Variants in INPP4B observed in about 807,000 individuals in gnomAD.
INPP4B encodes the protein inositol polyphosphate-4-phosphatase type II B, also known as inositol polyphosphate 4-phosphatase type II.
A neutral mutation model predicts 122.5 loss-of-function variants in INPP4B; 55 were observed. The ratio of observed to expected loss-of-function variants is 0.45; its 90% confidence interval spans 0.36 to 0.56. The LOEUF (loss-of-function observed/expected upper bound fraction) is 0.56, where lower values mean the gene tolerates loss of function less well. INPP4B is among the 20% of genes least tolerant of loss of function. The pLI is 0.00. For synonymous variants in INPP4B, 403 were observed against 388.7 expected (o/e 1.04, Z -0.43); for missense variants, 1,000 against 1,097.7 (o/e 0.91, Z 1.26).
chr4:142,188,518 A>C (rs78297466), intron 15 of INPP4B, among the ~76,000 whole-genome samples: 1 of 105,096 alleles, frequency 9.5e-6, no homozygotes. Context: ...AAAGAAAAAA[A>C]ATATATATAG....
At chr4:142,562,287 G>T (rs1462843297) in intron 2 of INPP4B, among the ~76,000 whole-genome samples, 1 of 152,164 alleles carries the variant, frequency 6.6e-6, no homozygotes, top group Non-Finnish European at 1.5e-5. Context: ...AATAACTTCT[G>T]CCACTGAATG....
chr4:142,407,528 C>A (rs1803692257), intron 5 of INPP4B, among the ~76,000 whole-genome samples: 1 of 152,164 alleles, frequency 6.6e-6, no homozygotes, highest in Non-Finnish European at 1.5e-5. Flanking sequence ...CTGTCCAACC[C>A]AATTTGCACA....
intron 11 of INPP4B, among the ~76,000 whole-genome samples, chr4:142,247,935 G>T (rs565960399): frequency 4.6e-5 from 7 of 152,198 alleles, no homozygotes; most frequent in African/African-American, 1.7e-4. Flanking sequence ...ATTCAGATAA[G>T]ATACACCTGT....
chr4:142,280,416 C>T (rs541562406), intron 9 of INPP4B, among the ~76,000 whole-genome samples: 17 of 152,060 alleles, frequency 1.1e-4, no homozygotes, highest in African/African-American at 3.1e-4. Context: ...AGACATTGGA[C>T]TGAATGAATG....
At chr4:142,513,792 G>C (rs771936391) in intron 2 of INPP4B, among the ~76,000 whole-genome samples, 2 of 152,162 alleles carry the variant, frequency 1.3e-5, no homozygotes, top group Non-Finnish European at 2.9e-5. Context: ...GGCCCCCAAC[G>C]CCTAATACCA....
At chr4:142,059,830 T>C (rs1759646802) in intron 25 of INPP4B, among the ~76,000 whole-genome samples, 1 of 152,158 alleles carries the variant, frequency 6.6e-6, no homozygotes, top group South Asian at 2.1e-4. Flanking sequence ...CAGTTCACTT[T>C]CCAATTCTGT....
At chr4:142,642,346 C>T (rs568773065) in intron 2 of INPP4B, among the ~76,000 whole-genome samples, 118 of 152,266 alleles carry the variant, frequency 7.7e-4, no homozygotes, top group African/African-American at 2.6e-3. Context: ...TTTGCACATG[C>T]CTATGTCCTG....
intron 18 of INPP4B, among the ~76,000 whole-genome samples, chr4:142,135,549 T>A (rs1022287281): frequency 1.3e-5 from 2 of 152,130 alleles, no homozygotes; most frequent in East Asian, 3.9e-4. Flanking sequence ...GAGGAACATA[T>A]ACTCTCTACT....
At chr4:142,579,753 C>T (rs937141531) in intron 2 of INPP4B, among the ~76,000 whole-genome samples, 1 of 151,504 alleles carries the variant, frequency 6.6e-6, no homozygotes, top group Non-Finnish European at 1.5e-5. Flanking sequence ...TCTTAGCTCT[C>T]TTGTGTCTCC....
chr4:142,739,027 G>C (rs1368629582), intron 1 of INPP4B, among the ~76,000 whole-genome samples: 1 of 152,008 alleles, frequency 6.6e-6, no homozygotes, highest in Non-Finnish European at 1.5e-5. Flanking sequence ...CAGGATTCTT[G>C]CCTCTGGCTA....
chr4:142,693,625 C>G (rs905807027), intron 2 of INPP4B, among the ~76,000 whole-genome samples: 1 of 150,350 alleles, frequency 6.7e-6, no homozygotes, highest in Non-Finnish European at 1.5e-5. Flanking sequence ...ATAAGCTATA[C>G]CTTTATTTGA....
At chr4:142,430,453 G>A (rs1172306830) in intron 4 of INPP4B, among the ~76,000 whole-genome samples, 1 of 152,022 alleles carries the variant, frequency 6.6e-6, no homozygotes. Flanking sequence ...AAAAGAGAAG[G>A]TTAGGCATAT....
At chr4:142,339,604 C>T (rs1777997906) in intron 7 of INPP4B, among the ~76,000 whole-genome samples, 3 of 152,126 alleles carry the variant, frequency 2.0e-5, no homozygotes, top group Admixed American at 2.0e-4. Context: ...AAAGCACGTC[C>T]CTCACACAAT....
chr4:142,278,937 C>A (rs1207628670), intron 9 of INPP4B, among the ~76,000 whole-genome samples: 1 of 151,860 alleles, frequency 6.6e-6, no homozygotes, highest in African/African-American at 2.4e-5. Flanking sequence ...CTGAATAACA[C>A]TATAAAAATT....
chr4:142,533,431 T>G (rs1404365723), intron 2 of INPP4B, among the ~76,000 whole-genome samples: 1 of 152,164 alleles, frequency 6.6e-6, no homozygotes, highest in East Asian at 1.9e-4. Flanking sequence ...GAGGAATTAC[T>G]GTTACCCTGG....
intron 2 of INPP4B, among the ~76,000 whole-genome samples, chr4:142,661,724 C>T (rs1310531440): frequency 6.6e-6 from 1 of 152,172 alleles, no homozygotes; most frequent in Non-Finnish European, 1.5e-5. Flanking sequence ...AGATATAGTG[C>T]ACTACAGCTA....
intron 2 of INPP4B, among the ~76,000 whole-genome samples, chr4:142,539,359 G>A (rs989603373): frequency 6.6e-6 from 1 of 151,852 alleles, no homozygotes; most frequent in Non-Finnish European, 1.5e-5. Context: ...TCTGTGTTTA[G>A]TCAACCAACC....
intron 7 of INPP4B, among the ~76,000 whole-genome samples, chr4:142,317,722 A>C (rs922690770): frequency 1.3e-5 from 2 of 152,218 alleles, no homozygotes; most frequent in Non-Finnish European, 2.9e-5. Flanking sequence ...CTTGAGCTAA[A>C]TGTCACTTTT....
chr4:142,385,883 T>C (rs1795804808), intron 7 of INPP4B, among the ~76,000 whole-genome samples: 1 of 152,202 alleles, frequency 6.6e-6, no homozygotes, highest in Non-Finnish European at 1.5e-5. Flanking sequence ...TAAATAATCT[T>C]CTCACATAGT....
Sources: gnomAD v4.1 joint callset for allele counts (sites outside exome capture counted in the v4.1 genomes callset) on GRCh38, gnomAD v4.1.1 for gene constraint, MANE v1.5 for transcripts, NCBI Gene and HGNC (gene_info 2026-07-23, HGNC 2026-07-21) for gene names.